The following DAB2 variants were observed in gnomAD, a reference collection of about 807,000 sequenced individuals.
DAB2 encodes DAB adaptor protein 2.
DAB2 carries 28 observed loss-of-function variants against 71.6 expected under a neutral mutation model. The ratio of observed to expected loss-of-function variants is 0.39; its 90% confidence interval spans 0.29 to 0.54. DAB2 has a LOEUF of 0.54. DAB2 is among the 20% of genes least tolerant of loss of function. The pLI is 0.68. For synonymous variants in DAB2, 345 were observed against 339.7 expected, an observed-to-expected ratio of 1.02 and a Z score of -0.17; for missense variants, 867 against 928.8, an observed-to-expected ratio of 0.93 and a Z score of 0.86.
At chr5:39,406,697 T>C (rs1028858370) in intron 1 of DAB2, among the ~76,000 whole-genome samples, 2 of 152,238 alleles carry the variant, frequency 1.3e-5, no homozygotes, top group South Asian at 2.1e-4. Context: ...AAACCCGTTT[T>C]AAAATTTGAA....
intron 10 of DAB2, among the ~76,000 whole-genome samples, chr5:39,381,921 G>A (rs1482451142): frequency 6.6e-6 from 1 of 152,150 alleles, no homozygotes; most frequent in Admixed American, 6.5e-5. Context: ...GCTTGAAGTT[G>A]GGGGAGCAAG....
At chr5:39,391,101 C>G (rs1269771088) in intron 4 of DAB2, among the ~76,000 whole-genome samples, 1 of 152,108 alleles carries the variant, frequency 6.6e-6, no homozygotes, top group Non-Finnish European at 1.5e-5. Context: ...CTCAGCCTCA[C>G]CTAGACAGCC....
At chr5:39,414,288 C>G (rs115061246) in intron 1 of DAB2, among the ~76,000 whole-genome samples, 20 of 152,138 alleles carry the variant, frequency 1.3e-4, no homozygotes, top group African/African-American at 4.1e-4. Flanking sequence ...AGAAACAAAA[C>G]AAAACAAGAT....
intron 1 of DAB2, among the ~76,000 whole-genome samples, chr5:39,398,094 C>A (rs560035234): frequency 6.6e-6 from 1 of 152,304 alleles, no homozygotes; most frequent in South Asian, 2.1e-4. Flanking sequence ...GGATATCATA[C>A]TTCACTGCAA....
In DAB2 at chr5:39,383,258, A is replaced by T. The variant is rs546460254; in HGVS notation, c.701T>A (p.Ile234Asn). ...TTCAGAGTTTAGATCCACTAACAGG[A>T]TATCTTTGCTTTCCTATCACATTTG... ...DLNSPTESKD[I>N]LLVDLNSEID... Residue 234 changes from isoleucine to asparagine, a missense_variant, in exon 10 of 15, where the codon ATC becomes AAC. Physicochemically the swap from Ile to Asn is moderately radical, Grantham distance 149. This residue lies in a region of DAB2 where 740 missense variants were observed against 734.3 expected (regional missense o/e 1.01). Coordinates refer to ENST00000320816, the MANE Select transcript of DAB2 (RefSeq NM_001343.4). 66 of 1,604,594 alleles carry T rather than the reference A, an allele frequency of 4.1e-5. No homozygotes were observed. Among genetic ancestry groups the T allele is most frequent in the Non-Finnish European group, 5.5e-5 (64 of 1,174,152 alleles).
chr5:39,383,315 T>C, intron 9 of DAB2, 44 bp from the exon 10 acceptor site: 1 of 1,429,790 alleles, frequency 7.0e-7, no homozygotes, highest in Non-Finnish European at 9.5e-7. Flanking sequence ...TTAGTCCATG[T>C]TGTGACTTCA....
chr5:39,388,914 A>G, intron 7 of DAB2, 62 bp from the exon 8 acceptor site: 1 of 1,434,562 alleles, frequency 7.0e-7, no homozygotes. Context: ...GTATTTGTCC[A>G]CTCTATTAGT....
intron 14 of DAB2, chr5:39,374,734 A>G: frequency 3.1e-6 from 1 of 327,796 alleles, no homozygotes; most frequent in Non-Finnish European, 5.5e-6. Context: ...TTTGAGTTTT[A>G]CTTCCCACAC....
At chr5:39,376,247 G>A (rs1579897366) in intron 12 of DAB2, 141 bp from the exon 13 acceptor site, 1 of 640,706 alleles carries the variant, frequency 1.6e-6, no homozygotes, top group East Asian at 2.7e-5. Flanking sequence ...CCAAATACTA[G>A]GTACCCCAAT....
At chr5:39,383,785 C>T (rs982741171) in intron 9 of DAB2, among the ~76,000 whole-genome samples, 4 of 152,296 alleles carry the variant, frequency 2.6e-5, no homozygotes, top group African/African-American at 4.8e-5. Context: ...GAAAATTCAT[C>T]GACTAATACA....
At position 39,398,139 on chromosome 5, in the gene DAB2, T is replaced by C. The variant is rs550494876; in HGVS notation, c.-101-3718A>G. Among the ~76,000 whole-genome samples the C allele has an allele frequency of 2.0e-5, 3 of 152,356 alleles. No homozygotes were observed. In the South Asian group the frequency reaches 6.2e-4, roughly 32 times the overall value. On this transcript the variant is annotated intron_variant, in intron 1 of 14. Coordinates refer to ENST00000320816, the MANE Select transcript of DAB2 (RefSeq NM_001343.4). ...TCTGACATGAAAAGACTTAGCTCAT[T>C]AAATTTGGCAATTTGTATTCTTACA...
At chr5:39,404,840 A>T (rs775078596) in intron 1 of DAB2, among the ~76,000 whole-genome samples, 2 of 152,184 alleles carry the variant, frequency 1.3e-5, no homozygotes, top group Non-Finnish European at 2.9e-5. Context: ...CGGCCTCCCA[A>T]AGTGCTGGGA....
At chr5:39,392,045 G>T (rs78092616) in intron 4 of DAB2, among the ~76,000 whole-genome samples, 1 of 145,568 alleles carries the variant, frequency 6.9e-6, no homozygotes, top group African/African-American at 2.5e-5. Context: ...ATGTATATTT[G>T]TATATTATAT....
chr5:39,386,392 G>A (rs568005580), intron 9 of DAB2, among the ~76,000 whole-genome samples: 2 of 152,230 alleles, frequency 1.3e-5, no homozygotes, highest in African/African-American at 4.8e-5. Flanking sequence ...TGAAAGAGTT[G>A]AATATTTTTA....
At chr5:39,374,230 C>A (rs1754765753) in intron 14 of DAB2, among the ~76,000 whole-genome samples, 1 of 151,724 alleles carries the variant, frequency 6.6e-6, no homozygotes, top group Non-Finnish European at 1.5e-5. Flanking sequence ...TGTTGTTTTT[C>A]ATTATTTCTA....
At chr5:39,379,873 A>G (rs543999445) in intron 11 of DAB2, among the ~76,000 whole-genome samples, 1 of 152,300 alleles carries the variant, frequency 6.6e-6, no homozygotes, top group Admixed American at 6.5e-5. Flanking sequence ...AACTTGGAAC[A>G]ATCATCAGTA....
chr5:39,378,349 C>T (rs1301421110), intron 11 of DAB2, among the ~76,000 whole-genome samples: 1 of 152,234 alleles, frequency 6.6e-6, no homozygotes, highest in South Asian at 2.1e-4. Flanking sequence ...CTAAATTCAG[C>T]CTCATATCTA....
At chr5:39,389,828 G>T in intron 6 of DAB2, 24 bp downstream of exon 6, 1 of 1,351,380 alleles carries the variant, frequency 7.4e-7, no homozygotes, top group South Asian at 1.2e-5. Context: ...AAATTTAATA[G>T]AGCCTTAATC....
At position 39,397,532 on chromosome 5, in the gene DAB2, C is replaced by T. The variant is rs192168560; in HGVS notation, c.-101-3111G>A. On this transcript the variant is annotated intron_variant, in intron 1 of 14. Transcript: ENST00000320816. Reference sequence around the variant, plus strand: ...ATACCTAGTTAACACTTAATATCTGCGGCCATACAACCATGAACAAGCCTG... The same window carrying T: ...ATACCTAGTTAACACTTAATATCTGTGGCCATACAACCATGAACAAGCCTG... Among the ~76,000 whole-genome samples the T allele has an allele frequency of 2.1e-3, 323 of 152,212 alleles. 3 individuals carry two copies. Among genetic ancestry groups the T allele is most frequent in the Non-Finnish European group, 3.5e-3 (238 of 68,008 alleles).
Sources: allele counts gnomAD v4.1 joint callset (sites outside exome capture counted in the v4.1 genomes callset), GRCh38; gene constraint gnomAD v4.1.1; regional missense constraint gnomAD v4.1.1; transcripts MANE v1.5; gene names NCBI Gene and HGNC (gene_info 2026-07-23, HGNC 2026-07-21).